The following GLDC variants were observed in gnomAD, a reference collection of about 807,000 sequenced individuals.
The protein encoded by GLDC is glycine dehydrogenase (decarboxylating), mitochondrial.
In GLDC, 104 loss-of-function variants were observed where a neutral mutation model predicts 121.3. The ratio of observed to expected loss-of-function variants is 0.86; its 90% CI spans 0.73 to 1.01. The LOEUF (loss-of-function observed/expected upper bound fraction) is 1.01, where lower values mean the gene tolerates loss of function less well. Ranked by LOEUF, GLDC falls within the 50% of genes least tolerant of loss-of-function variation. GLDC has a pLI of 0.00. For missense variants in GLDC, 1,429 were observed against 1,306.6 expected, an observed-to-expected ratio of 1.09 and a Z score of -1.44; for synonymous variants, 546 against 480.6, an observed-to-expected ratio of 1.14 and a Z score of -1.78.
chr9:6,585,984 C>G (rs1818263577), intron 15 of GLDC, among the ~76,000 whole-genome samples: 1 of 152,094 alleles, frequency 6.6e-6, no homozygotes, highest in South Asian at 2.1e-4. Flanking sequence ...ATTAGAATCA[C>G]TTGGTCTTGT....
At chr9:6,604,833 G>C (rs1436718831) in intron 6 of GLDC, 49 bp from the exon 7 acceptor site, 1 of 1,423,036 alleles carries the variant, frequency 7.0e-7, no homozygotes, top group Admixed American at 1.7e-5. Flanking sequence ...CTTTCCCTGA[G>C]AGTAGTGGGA....
intron 16 of GLDC, among the ~76,000 whole-genome samples, chr9:6,562,176 G>C (rs188985434): frequency 1.3e-5 from 2 of 152,302 alleles, no homozygotes; most frequent in East Asian, 3.9e-4. Flanking sequence ...GGCCATGCCT[G>C]GTACATGGTA....
At chr9:6,588,266 C>G (rs2129835750) in intron 14 of GLDC, 135 bp downstream of exon 14, 1 of 771,378 alleles carries the variant, frequency 1.3e-6, no homozygotes, top group South Asian at 1.4e-5. Flanking sequence ...TGGTGAATAG[C>G]AAGGTAAAGA....
At chr9:6,547,425 A>T (rs1245147023) in intron 21 of GLDC, among the ~76,000 whole-genome samples, 2 of 152,168 alleles carry the variant, frequency 1.3e-5, no homozygotes, top group Non-Finnish European at 2.9e-5. Flanking sequence ...TCACCTATCA[A>T]ATTGGCCATG....
intron 15 of GLDC, among the ~76,000 whole-genome samples, chr9:6,568,113 A>G (rs1434352407): frequency 1.3e-5 from 2 of 152,158 alleles, no homozygotes; most frequent in Non-Finnish European, 2.9e-5. Flanking sequence ...GAATGAAGGA[A>G]GAAGCAGATT....
Position 6,569,793 on chromosome 9 carries a change from T to C in GLDC, c.1851-4364A>G, listed in dbSNP as rs376961677. On this transcript the variant is annotated intron_variant, in intron 15 of 24. Coordinates refer to ENST00000321612, the MANE Select transcript of GLDC (RefSeq NM_000170.3). ...AAGATCGAGACCAGCCTGGCGAACATGGCAAAACCCTGTCTCTACTAAAAA... is the reference window on the plus strand; with the variant it reads ...AAGATCGAGACCAGCCTGGCGAACACGGCAAAACCCTGTCTCTACTAAAAA... Among the ~76,000 whole-genome samples, 159 of 152,190 alleles carry C rather than the reference T, an allele frequency of 1.0e-3. 4 individuals are homozygous for C. The highest frequency in any genetic ancestry group is 3.6e-3 in the African/African-American group (148 of 41,530).
intron 15 of GLDC, among the ~76,000 whole-genome samples, chr9:6,576,160 C>G (rs187433734): frequency 5.9e-5 from 9 of 152,286 alleles, no homozygotes; most frequent in Admixed American, 4.6e-4. Context: ...GGTGCTATAA[C>G]AAAATGCCAA....
chr9:6,533,336 G>C (rs964326532), intron 24 of GLDC, among the ~76,000 whole-genome samples, 176 bp from the exon 25 acceptor site: 6 of 152,084 alleles, frequency 3.9e-5, no homozygotes, highest in African/African-American at 1.4e-4. Flanking sequence ...TTCCCAGGAG[G>C]CGTGTCCCTG....
chr9:6,605,292 C>T lies in GLDC; in HGVS notation c.714-14G>A. ...ACTCCAGTATATCTGGAAAGACAGA[C>T]AACAAAGAACAATCGTGCTTTCGGT... On this transcript the variant is annotated splice_polypyrimidine_tract_variant and intron_variant, in intron 5 of 24. Transcript: ENST00000321612. 1.2e-6 allele frequency: 2 copies of T among 1,612,802 alleles called. No homozygotes were observed. Among genetic ancestry groups the T allele is most frequent in the South Asian group, 1.1e-5 (1 of 91,032 alleles).
intron 17 of GLDC, among the ~76,000 whole-genome samples, chr9:6,557,485 T>A (rs1817659179): frequency 6.6e-6 from 1 of 152,074 alleles, no homozygotes; most frequent in Non-Finnish European, 1.5e-5. Context: ...TCCCAGCTAA[T>A]CAGGAGGCTG....
intron 7 of GLDC, among the ~76,000 whole-genome samples, chr9:6,602,910 A>C (rs1485774695): frequency 6.6e-6 from 1 of 152,168 alleles, no homozygotes; most frequent in Non-Finnish European, 1.5e-5. Flanking sequence ...AAAAATAAAA[A>C]ATAATACAAC....
At position 6,606,665 on chromosome 9, in the gene GLDC, T is replaced by C; in HGVS notation, c.640A>G (p.Asn214Asp). The change falls in exon 5 of 25, where the codon AAC becomes GAC. Residue 214 changes from asparagine (N) to aspartate (D), a missense_variant. Coordinates refer to ENST00000321612, the MANE Select transcript of GLDC (RefSeq NM_000170.3). ...TCAACGAGAAATTTCCTCCTCTTGT[T>C]GTGTCTGTTGAAAAGAAAAAGCACA... ...AEALQLCYRH[N>D]KRRKFLVDPR... is the part of the protein sequence containing the mutation. 1.3e-6 allele frequency: 2 copies of C among 1,593,648 alleles called. No individual in the cohort carries two copies. The highest frequency in any genetic ancestry group is 8.6e-7 in the Non-Finnish European group (1 of 1,161,892).
At chr9:6,563,969 G>A (rs1007922321) in intron 16 of GLDC, among the ~76,000 whole-genome samples, 12 of 152,002 alleles carry the variant, frequency 7.9e-5, no homozygotes, top group African/African-American at 2.7e-4. Context: ...AAAAGGGCCA[G>A]GCGCAGTGGC....
chr9:6,560,378 A>T (rs1817727585), intron 16 of GLDC, among the ~76,000 whole-genome samples: 1 of 152,224 alleles, frequency 6.6e-6, no homozygotes, highest in Admixed American at 6.5e-5. Flanking sequence ...AACATGAACT[A>T]CTTTGCACTC....
At chr9:6,533,858 C>CAAAA (rs140518818) in intron 24 of GLDC, among the ~76,000 whole-genome samples, 1 of 125,282 alleles carries the variant, frequency 8.0e-6, no homozygotes. Flanking sequence ...AACTCTATCT[C>CAAAA]AAAAAAAAAA....
chr9:6,638,492 G>A (rs1819557137), intron 2 of GLDC, among the ~76,000 whole-genome samples: 1 of 152,032 alleles, frequency 6.6e-6, no homozygotes, highest in Admixed American at 6.6e-5. Context: ...TGGGATTATG[G>A]GCGTGAGTCA....
At chr9:6,583,073 G>A (rs910330676) in intron 15 of GLDC, among the ~76,000 whole-genome samples, 1 of 152,162 alleles carries the variant, frequency 6.6e-6, no homozygotes, top group African/African-American at 2.4e-5. Flanking sequence ...ACAAATGTTG[G>A]TGGGGGACGT....
chr9:6,628,554 G>T (rs1819295600), intron 2 of GLDC, among the ~76,000 whole-genome samples: 1 of 152,220 alleles, frequency 6.6e-6, no homozygotes, highest in African/African-American at 2.4e-5. Context: ...ACTTTGGGAG[G>T]CCGAGGCAGA....
intron 2 of GLDC, among the ~76,000 whole-genome samples, chr9:6,643,958 A>G (rs200502402): frequency 7.5e-6 from 1 of 133,322 alleles, no homozygotes; most frequent in Non-Finnish European, 1.5e-5. Flanking sequence ...TGCTTGAACC[A>G]GGGAGGCGGA....
Sources: gnomAD v4.1 joint callset for allele counts (sites outside exome capture counted in the v4.1 genomes callset) on GRCh38, gnomAD v4.1.1 for gene constraint, MANE v1.5 for transcripts, NCBI Gene and HGNC (gene_info 2026-07-23, HGNC 2026-07-21) for gene names.